Variants in CAMTA1 observed in about 807,000 individuals in gnomAD.
The protein encoded by CAMTA1 is calmodulin-binding transcription activator 1.
CAMTA1 carries 27 observed loss-of-function variants against 170.9 expected under a neutral mutation model. The observed-to-expected ratio is 0.16, with a 90% CI of 0.12 to 0.22. The LOEUF is 0.22. CAMTA1 is among the 10% of genes least tolerant of loss of function. The pLI, the probability that CAMTA1 is intolerant of heterozygous loss-of-function variation, is 1.00. For synonymous variants in CAMTA1, 833 were observed against 891.5 expected (o/e 0.93, Z 1.17); for missense variants, 1,619 against 2,217.2 (o/e 0.73, Z 5.42).
chr1:7,609,753 CTCTT>C lies in CAMTA1; in HGVS notation c.511-30644_511-30641del, dbSNP rs953628387. ...CAGGTCACTTTGCTTCTCTGAGCCTCTCTTTCCTGTCTGCAAAGCCAGGTGGGAA... is the reference window on the plus strand; with the variant it reads ...CAGGTCACTTTGCTTCTCTGAGCCTCTCCTGTCTGCAAAGCCAGGTGGGAA... On this transcript the variant is annotated intron_variant, in intron 6 of 22. Transcript: ENST00000303635. The surrounding 1 kb of genome is among the most constrained non-coding windows in gnomAD (Gnocchi z 4.4). Among the ~76,000 whole-genome samples the C allele has an allele frequency of 1.3e-5, 2 of 152,234 alleles. No homozygotes were observed. Among genetic ancestry groups the C allele is most frequent in the African/African-American group, 4.8e-5 (2 of 41,456 alleles).
chr1:7,388,385 C>T (rs1557634925), intron 5 of CAMTA1: 1 of 152,284 alleles, frequency 6.6e-6, no homozygotes, highest in Non-Finnish European at 1.5e-5. Flanking sequence ...AAAGGAACCT[C>T]TCGTGGCGTT....
At chr1:7,421,962 G>A (rs1245638261) in intron 5 of CAMTA1, among the ~76,000 whole-genome samples, 3 of 142,776 alleles carry the variant, frequency 2.1e-5, no homozygotes, top group East Asian at 2.1e-4. Flanking sequence ...CTCTCGGTGC[G>A]CCGTGGCTGG....
Position 7,747,706 on chromosome 1 carries a change from T to C in CAMTA1, c.4618-4T>C, listed in dbSNP as rs2096866557. The C allele has an allele frequency of 6.3e-7, 1 of 1,598,714 alleles. No homozygotes were observed. ...ATTTTTTTTCTCCTTACTTTACCCTTAAGGGCCGACCCTTGCGGGAACAGC... is the reference window on the plus strand; with the variant it reads ...ATTTTTTTTCTCCTTACTTTACCCTCAAGGGCCGACCCTTGCGGGAACAGC... On this transcript the variant is annotated splice_polypyrimidine_tract_variant and splice_region_variant and intron_variant, in intron 18 of 22. Coordinates refer to ENST00000303635, the MANE Select transcript of CAMTA1 (RefSeq NM_015215.4).
intron 5 of CAMTA1, chr1:7,441,591 G>A (rs970002770): frequency 6.6e-6 from 1 of 152,270 alleles, no homozygotes; most frequent in African/African-American, 2.4e-5. Flanking sequence ...GGCATGGCTT[G>A]AAGTCAGCTT....
intron 3 of CAMTA1, among the ~76,000 whole-genome samples, chr1:6,926,126 A>G (rs2149345648): frequency 6.6e-6 from 1 of 152,346 alleles, no homozygotes; most frequent in African/African-American, 2.4e-5. Context: ...GAAATAAGTT[A>G]CTCAAAGCCA....
intron 5 of CAMTA1, among the ~76,000 whole-genome samples, chr1:7,310,669 T>C (rs866524849): frequency 1.2e-4 from 4 of 34,360 alleles, no homozygotes; most frequent in South Asian, 8.6e-4. Flanking sequence ...CTTTCTTTCT[T>C]TCCTTTCTTT....
chr1:7,611,576 T>C (rs2095523998), intron 6 of CAMTA1, among the ~76,000 whole-genome samples: 1 of 152,192 alleles, frequency 6.6e-6, no homozygotes, highest in African/African-American at 2.4e-5. Context: ...AAGTGGTGCC[T>C]GATGTTGGAA....
At chr1:7,031,001 ATTT>A (rs58953861) in intron 3 of CAMTA1, among the ~76,000 whole-genome samples, 5 of 100,026 alleles carry the variant, frequency 5.0e-5, no homozygotes, top group African/African-American at 8.5e-5. Context: ...TGCCCAGCTA[ATTT>A]TTTTTTTTTT....
intron 3 of CAMTA1, among the ~76,000 whole-genome samples, chr1:6,870,499 A>T (rs537864724): frequency 6.6e-6 from 1 of 152,232 alleles, no homozygotes; most frequent in Non-Finnish European, 1.5e-5. Flanking sequence ...TGATTGCCGT[A>T]AGCCTCTAGA....
At chr1:7,025,235 A>C (rs941134760) in intron 3 of CAMTA1, among the ~76,000 whole-genome samples, 15 of 152,194 alleles carry the variant, frequency 9.9e-5, no homozygotes, top group Non-Finnish European at 1.6e-4. Flanking sequence ...TTGCCGCGGT[A>C]GCTGATCTGA....
At chr1:7,084,561 C>G (rs920978806) in intron 3 of CAMTA1, among the ~76,000 whole-genome samples, 1 of 152,220 alleles carries the variant, frequency 6.6e-6, no homozygotes, top group Non-Finnish European at 1.5e-5. Context: ...GGAGGGGACA[C>G]GGCTCGTCAC....
chr1:6,818,549 G>A (rs1330489606), intron 1 of CAMTA1, among the ~76,000 whole-genome samples: 1 of 152,164 alleles, frequency 6.6e-6, no homozygotes, highest in African/African-American at 2.4e-5. Context: ...GTATCCACCC[G>A]CCCTTTTTGG....
At chr1:7,292,209 T>C (rs1307053247) in intron 5 of CAMTA1, among the ~76,000 whole-genome samples, 3 of 152,180 alleles carry the variant, frequency 2.0e-5, no homozygotes, top group Non-Finnish European at 4.4e-5. Context: ...TTCTGCGGCT[T>C]CCTGGGATGT....
chr1:7,347,724 AC>A (rs922427841), intron 5 of CAMTA1, among the ~76,000 whole-genome samples: 93 of 150,074 alleles, frequency 6.2e-4, no homozygotes, highest in Non-Finnish European at 9.9e-4. Flanking sequence ...GCAATCCAGG[AC>A]CCCCCCGGCT....
intron 5 of CAMTA1, among the ~76,000 whole-genome samples, chr1:7,421,084 C>G (rs2091528405): frequency 6.6e-6 from 1 of 152,206 alleles, no homozygotes; most frequent in Non-Finnish European, 1.5e-5. Context: ...AGGACATTTC[C>G]AGCACCCCTT....
chr1:7,719,736 C>T (rs562466590), intron 11 of CAMTA1, among the ~76,000 whole-genome samples: 4 of 152,320 alleles, frequency 2.6e-5, no homozygotes, highest in South Asian at 2.1e-4. Flanking sequence ...AATATACTCT[C>T]GTGGCACCAT....
At chr1:6,977,378 T>C (rs1693633480) in intron 3 of CAMTA1, among the ~76,000 whole-genome samples, 1 of 151,906 alleles carries the variant, frequency 6.6e-6, no homozygotes, top group South Asian at 2.1e-4. Context: ...TGTTGCTCTG[T>C]CACCCAGGCT....
intron 6 of CAMTA1, among the ~76,000 whole-genome samples, chr1:7,595,999 C>G (rs1467214993): frequency 6.6e-6 from 1 of 152,220 alleles, no homozygotes; most frequent in Admixed American, 6.5e-5. Context: ...CTCTTGGCTT[C>G]CTGGGGACCC....
chr1:7,017,962 GT>G (rs1037542371), intron 3 of CAMTA1, among the ~76,000 whole-genome samples: 1 of 97,660 alleles, frequency 1.0e-5, no homozygotes, highest in Non-Finnish European at 2.1e-5. Context: ...GCCTTCCAAG[GT>G]TTTTTGTTTT....
Sources: gnomAD v4.1 joint callset for allele counts (sites outside exome capture counted in the v4.1 genomes callset) on GRCh38, gnomAD v4.1.1 for gene constraint, Gnocchi (gnomAD v3.1) non-coding constraint, MANE v1.5 for transcripts, NCBI Gene and HGNC (gene_info 2026-07-23, HGNC 2026-07-21) for gene names.